Variants in FAM117B observed in about 807,000 individuals in gnomAD.
FAM117B encodes family with sequence similarity 117 member B, also known as protein FAM117B.
FAM117B carries 22 observed loss-of-function variants against 52.8 expected under a neutral mutation model. The observed-to-expected ratio is 0.42, with a 90% CI of 0.30 to 0.59. FAM117B has a LOEUF of 0.59. Ranked by LOEUF, FAM117B falls within the 20% of genes least tolerant of loss-of-function variation. The pLI is 0.22. For missense variants in FAM117B, 678 were observed against 802.6 expected (o/e 0.84, Z 1.88); for synonymous variants, 309 against 324.1 (o/e 0.95, Z 0.50).
chr2:202,686,049 C>G (rs149630470), intron 1 of FAM117B, among the ~76,000 whole-genome samples: 2 of 152,178 alleles, frequency 1.3e-5, no homozygotes, highest in Admixed American at 1.3e-4. Context: ...GAACTTGCAT[C>G]CAGAATACAT....
chr2:202,693,996 G>A (rs922456972), intron 1 of FAM117B, among the ~76,000 whole-genome samples: 2 of 151,976 alleles, frequency 1.3e-5, no homozygotes, highest in African/African-American at 4.8e-5. Flanking sequence ...CATTTATTTA[G>A]GAGAACACAT....
rs141621844 is a variant in FAM117B, at chr2:202,636,224, T to C, written c.601+436T>C. On this transcript the variant is annotated intron_variant, in intron 1 of 7. Coordinates refer to ENST00000392238, the MANE Select transcript of FAM117B (RefSeq NM_173511.4). ...GCCCATATCTGCTGCTGCTAAGTAT[T>C]TCTGTTCACAAAACAGTTTCAGATC... Among the ~76,000 whole-genome samples, 721 of 152,360 alleles carry C rather than the reference T, an allele frequency of 4.7e-3. 4 individuals are homozygous for C. Among genetic ancestry groups the C allele is most frequent in the African/African-American group, 0.016 (678 of 41,584 alleles).
At chr2:202,711,155 T>C (rs1020884352) in intron 2 of FAM117B, among the ~76,000 whole-genome samples, 1 of 152,196 alleles carries the variant, frequency 6.6e-6, no homozygotes, top group South Asian at 2.1e-4. Flanking sequence ...TTAGTGGTAG[T>C]ACTAATTTAC....
intron 4 of FAM117B, among the ~76,000 whole-genome samples, chr2:202,727,649 A>C (rs537315741): frequency 6.6e-6 from 1 of 152,188 alleles, no homozygotes; most frequent in African/African-American, 2.4e-5. Context: ...TTCCTAAATC[A>C]TAATGCACTT....
At chr2:202,752,852 A>G (rs1197675953) in intron 4 of FAM117B, among the ~76,000 whole-genome samples, 3 of 152,224 alleles carry the variant, frequency 2.0e-5, no homozygotes, top group Admixed American at 6.5e-5. Flanking sequence ...CTGTGACAAT[A>G]AAAACATTTT....
chr2:202,698,911 T>A (rs1046184237), intron 2 of FAM117B, among the ~76,000 whole-genome samples: 1 of 152,200 alleles, frequency 6.6e-6, no homozygotes, highest in African/African-American at 2.4e-5. Flanking sequence ...GCACCCTTTA[T>A]TTCCACTGCA....
At chr2:202,757,572 A>G (rs1459296821) in intron 6 of FAM117B, 134 bp downstream of exon 6, 7 of 952,502 alleles carry the variant, frequency 7.3e-6, no homozygotes, top group South Asian at 6.8e-5. Context: ...TAGGTTTTCA[A>G]TTTGGAGTGT....
chr2:202,715,714 G>C (rs2105783834), intron 2 of FAM117B, among the ~76,000 whole-genome samples: 1 of 152,356 alleles, frequency 6.6e-6, no homozygotes, highest in Non-Finnish European at 1.5e-5. Flanking sequence ...TCGGCACTTT[G>C]GGAGGCCAAG....
chr2:202,710,887 C>T (rs559156914), intron 2 of FAM117B, among the ~76,000 whole-genome samples: 1 of 151,526 alleles, frequency 6.6e-6, no homozygotes, highest in East Asian at 1.9e-4. Flanking sequence ...GACAGGATCT[C>T]TTTTTTTTTG....
intron 2 of FAM117B, among the ~76,000 whole-genome samples, chr2:202,720,250 G>C (rs1233087508): frequency 6.6e-6 from 1 of 151,946 alleles, no homozygotes; most frequent in East Asian, 1.9e-4. Flanking sequence ...TTATGGAATT[G>C]TCCTAAATGG....
chr2:202,693,167 G>C (rs1690661257), intron 1 of FAM117B, among the ~76,000 whole-genome samples: 1 of 152,082 alleles, frequency 6.6e-6, no homozygotes, highest in Admixed American at 6.6e-5. Flanking sequence ...TGTTTTAAAA[G>C]TGTTTCTATT....
chr2:202,641,891 G>A (rs188026968), intron 1 of FAM117B, among the ~76,000 whole-genome samples: 6 of 151,246 alleles, frequency 4.0e-5, no homozygotes, highest in Non-Finnish European at 7.4e-5. Flanking sequence ...CATCCGCCTC[G>A]GCCTCCCAAA....
At chr2:202,662,315 CAT>C (rs1269799012) in intron 1 of FAM117B, among the ~76,000 whole-genome samples, 1 of 151,962 alleles carries the variant, frequency 6.6e-6, no homozygotes, top group African/African-American at 2.4e-5. Context: ...TGATCTCACT[CAT>C]GTGGAATCTA....
In FAM117B at chr2:202,759,236, A is replaced by T; in HGVS notation, c.1334A>T (p.Asn445Ile). 1 of 1,614,022 alleles carries T rather than the reference A, an allele frequency of 6.2e-7. No homozygotes were observed. The highest frequency in any genetic ancestry group is 8.5e-7 in the Non-Finnish European group (1 of 1,179,986). ...DLLVDPRDKENGNNSPLPKYA... is the reference protein window; with the variant it reads ...DLLVDPRDKEIGNNSPLPKYA... ...TCTAATGTGTCATTTCTTGCAGAGA[A>T]TGGGAACAATTCTCCTTTGCCCAAA... The change falls in exon 7 of 8, where the codon AAT becomes ATT. Residue 445 changes from asparagine to isoleucine, a missense_variant. Physicochemically the swap from Asn to Ile is moderately radical, Grantham distance 149. Around this residue, in one of 3 missense-constraint regions of FAM117B, gnomAD observed 583 missense variants for 644.8 expected, o/e 0.90. Transcript: ENST00000392238.
intron 2 of FAM117B, among the ~76,000 whole-genome samples, chr2:202,706,943 C>G (rs544954388): frequency 6.6e-6 from 1 of 152,108 alleles, no homozygotes; most frequent in Non-Finnish European, 1.5e-5. Flanking sequence ...ATTTTAATTT[C>G]GAAATCTTTA....
chr2:202,731,484 G>A (rs1374022829), intron 4 of FAM117B, among the ~76,000 whole-genome samples: 1 of 151,098 alleles, frequency 6.6e-6, no homozygotes, highest in African/African-American at 2.4e-5. Context: ...GGACTGGAGT[G>A]CAGTGGCGCG....
intron 1 of FAM117B, among the ~76,000 whole-genome samples, chr2:202,640,881 G>A (rs1689760899): frequency 6.6e-6 from 1 of 152,158 alleles, no homozygotes; most frequent in South Asian, 2.1e-4. Context: ...AAAGTGCTGG[G>A]ATTAGAGGCA....
At position 202,688,951 on chromosome 2, in the gene FAM117B, A is replaced by G. The variant is rs551868338; in HGVS notation, c.602-6930A>G. On this transcript the variant is annotated intron_variant, in intron 1 of 7. Transcript: ENST00000392238. ...AAGATTAAGTTATAGTGAATCTACCAAATAGGATAATGTACAAGTATTAAA... is the reference window on the plus strand; with the variant it reads ...AAGATTAAGTTATAGTGAATCTACCGAATAGGATAATGTACAAGTATTAAA... Among the ~76,000 whole-genome samples the G allele has an allele frequency of 5.9e-5, 9 of 152,364 alleles. No individual in the cohort carries two copies. The South Asian group carries it at 1.0e-3, about 18-fold the overall frequency.
intron 1 of FAM117B, among the ~76,000 whole-genome samples, chr2:202,646,852 A>G (rs1689875650): frequency 6.6e-6 from 1 of 152,124 alleles, no homozygotes; most frequent in Non-Finnish European, 1.5e-5. Context: ...TGTTTAAGTG[A>G]TAACAATAGT....
Sources: allele counts gnomAD v4.1 joint callset (sites outside exome capture counted in the v4.1 genomes callset), GRCh38; gene constraint gnomAD v4.1.1; regional missense constraint gnomAD v4.1.1; transcripts MANE v1.5; gene names NCBI Gene and HGNC (gene_info 2026-07-23, HGNC 2026-07-21).